Variants in SLC2A13 observed in about 807,000 individuals in gnomAD.
The protein encoded by SLC2A13 is proton myo-inositol cotransporter.
SLC2A13 carries 32 observed loss-of-function variants against 64.4 expected under a neutral mutation model. That is an observed-to-expected ratio of 0.50 (90% CI 0.37 to 0.67). The LOEUF (loss-of-function observed/expected upper bound fraction) is 0.67. Ranked by LOEUF, SLC2A13 falls within the 30% of genes least tolerant of loss-of-function variation. The pLI is 0.00. For synonymous variants in SLC2A13, 338 were observed against 327.1 expected (o/e 1.03, Z -0.36); for missense variants, 743 against 829.2 (o/e 0.90, Z 1.28).
At chr12:39,760,324 T>C in intron 9 of SLC2A13, 72 bp from the exon 10 acceptor site, 2 of 1,407,650 alleles carry the variant, frequency 1.4e-6, no homozygotes, top group South Asian at 2.7e-5. Context: ...GATTACTTGA[T>C]TTTGACTTTT....
intron 1 of SLC2A13, among the ~76,000 whole-genome samples, chr12:40,080,597 G>T (rs1403500598): frequency 6.6e-6 from 1 of 152,098 alleles, no homozygotes; most frequent in Non-Finnish European, 1.5e-5. Flanking sequence ...TCATCATGCT[G>T]GCCCAGCTGG....
intron 3 of SLC2A13, among the ~76,000 whole-genome samples, chr12:39,970,427 C>T (rs572518317): frequency 4.6e-5 from 7 of 152,264 alleles, no homozygotes; most frequent in East Asian, 1.9e-4. Flanking sequence ...GTGGTCTCTT[C>T]GCATTTCATA....
At chr12:39,993,724 T>C (rs1445432256) in intron 3 of SLC2A13, among the ~76,000 whole-genome samples, 4 of 152,240 alleles carry the variant, frequency 2.6e-5, no homozygotes, top group Admixed American at 2.6e-4. Context: ...TCATGAGCCA[T>C]TAATTGATAT....
intron 7 of SLC2A13, among the ~76,000 whole-genome samples, chr12:39,778,793 A>G (rs1289141849): frequency 6.6e-6 from 1 of 152,166 alleles, no homozygotes; most frequent in East Asian, 1.9e-4. Context: ...CTTAAATACC[A>G]ATGACTGAAA....
intron 7 of SLC2A13, among the ~76,000 whole-genome samples, chr12:39,779,398 A>G (rs562295030): frequency 2.9e-4 from 44 of 152,180 alleles, no homozygotes; most frequent in Non-Finnish European, 5.9e-4. Context: ...GAATTCTTCT[A>G]TTTCCCTGGG....
intron 4 of SLC2A13, among the ~76,000 whole-genome samples, chr12:39,896,522 A>ATGTATGTATGCATGTG (rs1944908676): frequency 7.3e-6 from 1 of 136,762 alleles, no homozygotes; most frequent in Admixed American, 8.6e-5. Flanking sequence ...GTGTGTATAC[A>ATGTATGTATGCATGTG]TGTATACATG....
intron 7 of SLC2A13, among the ~76,000 whole-genome samples, chr12:39,812,342 C>CTTTTCTTTTCTT (rs1285355084): frequency 4.7e-5 from 2 of 42,970 alleles, no homozygotes; most frequent in Non-Finnish European, 1.2e-4. Context: ...TTTCTTTTTT[C>CTTTTCTTTTCTT]TTTTCTTTTC....
intron 7 of SLC2A13, among the ~76,000 whole-genome samples, chr12:39,826,285 T>A (rs1032725195): frequency 6.6e-6 from 1 of 151,968 alleles, no homozygotes; most frequent in African/African-American, 2.4e-5. Context: ...CTTATCTAAT[T>A]TTTTCTTTCC....
chr12:39,761,124 T>C (rs1592110175), intron 9 of SLC2A13, among the ~76,000 whole-genome samples: 1 of 152,040 alleles, frequency 6.6e-6, no homozygotes, highest in African/African-American at 2.4e-5. Flanking sequence ...GAAAAACTAA[T>C]GTGACAATTG....
At chr12:39,878,354 T>C (rs1565515424) in intron 4 of SLC2A13, among the ~76,000 whole-genome samples, 1 of 152,160 alleles carries the variant, frequency 6.6e-6, no homozygotes, top group Admixed American at 6.5e-5. Flanking sequence ...TTTGGAACTT[T>C]TAAGAGACCG....
chr12:39,999,136 T>C (rs1306774028), intron 3 of SLC2A13, among the ~76,000 whole-genome samples: 1 of 152,218 alleles, frequency 6.6e-6, no homozygotes. Flanking sequence ...AAGCTGAGGA[T>C]GTACGTCACC....
chr12:39,814,044 T>TATC (rs1464641462), intron 7 of SLC2A13, among the ~76,000 whole-genome samples: 4 of 152,246 alleles, frequency 2.6e-5, no homozygotes, highest in African/African-American at 7.2e-5. Context: ...ACTATAATCA[T>TATC]ATCTTTCAAG....
intron 6 of SLC2A13, among the ~76,000 whole-genome samples, chr12:39,851,626 G>T (rs1381280469): frequency 6.6e-6 from 1 of 152,138 alleles, no homozygotes; most frequent in Non-Finnish European, 1.5e-5. Context: ...CAGTAACTGT[G>T]AAATATGCAA....
intron 7 of SLC2A13, among the ~76,000 whole-genome samples, chr12:39,809,232 T>G (rs1488690584): frequency 6.6e-6 from 1 of 152,176 alleles, no homozygotes; most frequent in Non-Finnish European, 1.5e-5. Flanking sequence ...CATGCATATA[T>G]GGATCTATTT....
rs1946439244 is a variant in SLC2A13 at position 39,962,857 on chromosome 12, C to T, written c.926-11492G>A. Reference sequence around the variant, plus strand: ...TGATGTTGTGCAGGTTCCTTACCTTCCCTGAGCTCCAGGTGTTTTCATAAT... The same window carrying T: ...TGATGTTGTGCAGGTTCCTTACCTTTCCTGAGCTCCAGGTGTTTTCATAAT... On this transcript the variant is annotated intron_variant, in intron 3 of 9. Transcript: ENST00000280871. Among the ~76,000 whole-genome samples, 3 of 152,276 alleles carry T rather than the reference C, an allele frequency of 2.0e-5. No individual in the cohort carries two copies. In the South Asian group the frequency reaches 6.2e-4, roughly 32 times the overall value.
intron 4 of SLC2A13, among the ~76,000 whole-genome samples, chr12:39,888,222 A>T (rs1400976118): frequency 6.6e-6 from 1 of 152,036 alleles, no homozygotes; most frequent in African/African-American, 2.4e-5. Context: ...TTTTATTTAT[A>T]TTTATTTATT....
intron 3 of SLC2A13, among the ~76,000 whole-genome samples, chr12:40,002,509 T>G (rs1446847206): frequency 6.6e-6 from 1 of 152,212 alleles, no homozygotes; most frequent in East Asian, 1.9e-4. Context: ...GTAAGCAATA[T>G]GCACTATTAA....
chr12:40,104,851 G>A (rs1939252782), intron 1 of SLC2A13, among the ~76,000 whole-genome samples: 1 of 152,224 alleles, frequency 6.6e-6, no homozygotes. Context: ...GCTAGCAGTG[G>A]AGAGGCAAGG....
chr12:40,087,430 CT>C (rs1401014817), intron 1 of SLC2A13, among the ~76,000 whole-genome samples: 1 of 152,106 alleles, frequency 6.6e-6, no homozygotes, highest in African/African-American at 2.4e-5. Flanking sequence ...TATCAAAACG[CT>C]TTAAGCTTTA....
Sources: allele counts gnomAD v4.1 joint callset (sites outside exome capture counted in the v4.1 genomes callset), GRCh38; gene constraint gnomAD v4.1.1; transcripts MANE v1.5; gene names NCBI Gene and HGNC (gene_info 2026-07-23, HGNC 2026-07-21).